C12orf56: variants seen among roughly 807,000 people sequenced by gnomAD.
C12orf56 encodes chromosome 12 open reading frame 56, also known as uncharacterized protein C12orf56.
In C12orf56, 71 loss-of-function variants were observed where a neutral mutation model predicts 69.9. The observed-to-expected ratio is 1.02, with a 90% CI of 0.84 to 1.24. The LOEUF is 1.24. Ranked by LOEUF, C12orf56 falls within the 50% of genes most tolerant of loss-of-function variation. C12orf56 has a pLI of 0.00. For synonymous variants in C12orf56, 276 were observed against 274.1 expected (o/e 1.01, Z -0.07); for missense variants, 732 against 738.5 (o/e 0.99, Z 0.10).
rs773232505 is a variant in C12orf56, at chr12:64,266,876, CTGTGTCTTGATGGATAGTCGTTTATTT to C, written c.*280_*306del. 2.4e-5 allele frequency: 8 copies of C among 336,698 alleles called. No homozygotes were observed. The highest frequency in any genetic ancestry group is 3.7e-5 in the Non-Finnish European group (7 of 188,982). The allele number at this position is 336,698 out of a possible 1,614,324, so 20.9% of individuals were successfully genotyped here. A position where few individuals can be genotyped will look rare whatever the true frequency, so the allele number is the denominator to read the frequency against. On this transcript the variant is annotated 3_prime_UTR_variant, in exon 13 of 13. Transcript: ENST00000543942. ...TCCTAAATCCCTGCATTCCTTTTTC[CTGTGTCTTGATGGATAGTCGTTTATTT>C]TGTGGCAAGAGTGAGTTTGAAGAAC... is the stretch of plus-strand genomic sequence containing the variant.
At chr12:64,352,127 T>A (rs1439713474) in intron 2 of C12orf56, among the ~76,000 whole-genome samples, 63 of 145,726 alleles carry the variant, frequency 4.3e-4, no homozygotes, top group Non-Finnish European at 3.0e-5. Flanking sequence ...TTTTTTTTTT[T>A]ACCAGTCAGG....
At chr12:64,310,510 G>A (rs1445756734) in intron 5 of C12orf56, among the ~76,000 whole-genome samples, 5 of 152,128 alleles carry the variant, frequency 3.3e-5, no homozygotes, top group South Asian at 4.1e-4. Context: ...ATGGAGGAAA[G>A]GAAGAATATA....
chr12:64,315,356 C>T (rs1176957992), intron 4 of C12orf56, among the ~76,000 whole-genome samples: 4 of 147,174 alleles, frequency 2.7e-5, no homozygotes, highest in African/African-American at 7.5e-5. Context: ...CAAATATTTA[C>T]ATTTTCCTTA....
chr12:64,313,298 G>GAAAGAAAGAAAGAAAGAAAGAAAT (rs1234581270), intron 4 of C12orf56, among the ~76,000 whole-genome samples: 1 of 145,848 alleles, frequency 6.9e-6, no homozygotes, highest in Non-Finnish European at 1.5e-5. Flanking sequence ...AAGAAAGAAA[G>GAAAGAAAGAAAGAAAGAAAGAAAT]AAATTATTTA....
chr12:64,280,003 T>C (rs1368800829), intron 8 of C12orf56, among the ~76,000 whole-genome samples: 2 of 149,766 alleles, frequency 1.3e-5, no homozygotes, highest in African/African-American at 4.8e-5. Flanking sequence ...GGTCACTTGC[T>C]ATGATAACAT....
At chr12:64,305,467 C>T (rs970778691) in intron 5 of C12orf56, among the ~76,000 whole-genome samples, 3 of 152,076 alleles carry the variant, frequency 2.0e-5, no homozygotes, top group African/African-American at 4.8e-5. Context: ...CCGCAACCTC[C>T]GCCTCCTGAG....
rs546249351 is a variant in C12orf56, at chr12:64,293,119, G to A, written c.1114-7059C>T. ...GGGTGGGAGTGACCCGATTTTCCAG[G>A]TGCGTCCGTCACCCCTTTCTTTGAC... On this transcript the variant is annotated intron_variant, in intron 6 of 12. Coordinates refer to ENST00000543942, the MANE Select transcript of C12orf56 (RefSeq NM_001170633.2). Among the ~76,000 whole-genome samples, 40 of 152,204 alleles carry A rather than the reference G, an allele frequency of 2.6e-4. 2 individuals are homozygous for A. In the South Asian group the frequency reaches 8.3e-3, roughly 32 times the overall value.
intron 11 of C12orf56, among the ~76,000 whole-genome samples, chr12:64,272,891 C>T (rs956009493): frequency 2.0e-5 from 3 of 152,184 alleles, no homozygotes; most frequent in Non-Finnish European, 2.9e-5. Context: ...TTTGTGTAAA[C>T]ATATGTCATA....
chr12:64,388,988 A>G lies in C12orf56; in HGVS notation c.252+1326T>C, dbSNP rs911961705. On this transcript the variant is annotated intron_variant, in intron 1 of 12. Coordinates refer to ENST00000543942, the MANE Select transcript of C12orf56 (RefSeq NM_001170633.2). The stretch of plus-strand genomic sequence containing the variant: ...TAGTTCACAAAGGTATTCCGAGTAG[A>G]AAAAAAATCTTTTTTTTTCATTTAA... 4 of 135,240 alleles carry G rather than the reference A, an allele frequency of 3.0e-5. No individual in the cohort carries two copies. The Admixed American group carries it at 3.2e-4, about 11-fold the overall frequency. The allele number at this position is 135,240 out of a possible 1,614,324, so 8.4% of individuals were successfully genotyped here. A position where few individuals can be genotyped will look rare whatever the true frequency, so the allele number is the denominator to read the frequency against.
chr12:64,371,087 CACA>C (rs1280481733), intron 1 of C12orf56, among the ~76,000 whole-genome samples: 3 of 152,258 alleles, frequency 2.0e-5, no homozygotes, highest in South Asian at 2.1e-4. Flanking sequence ...GCCAAAAATA[CACA>C]ACAAGGATAT....
At chr12:64,347,284 CTT>C (rs35011865) in intron 2 of C12orf56, among the ~76,000 whole-genome samples, 33,808 of 121,288 alleles carry the variant, frequency 0.28, 4,098 homozygotes, top group Middle Eastern at 0.39. Flanking sequence ...AGCCTAGTAA[CTT>C]TTTTTTTTTT....
chr12:64,325,372 A>AGAAGAAGAAG (rs1555189853), intron 3 of C12orf56, among the ~76,000 whole-genome samples: 57 of 141,448 alleles, frequency 4.0e-4, no homozygotes, highest in Admixed American at 1.2e-3. Flanking sequence ...AAAAAAAAAA[A>AGAAGAAGAAG]AAGAAGAAGA....
chr12:64,329,533 T>TTTA (rs2038899417), intron 3 of C12orf56, among the ~76,000 whole-genome samples: 1 of 147,676 alleles, frequency 6.8e-6, no homozygotes, highest in African/African-American at 2.6e-5. Flanking sequence ...TTATTTATTT[T>TTTA]TTATTATTAC....
intron 2 of C12orf56, among the ~76,000 whole-genome samples, chr12:64,341,714 A>G (rs916017468): frequency 6.6e-6 from 1 of 152,182 alleles, no homozygotes; most frequent in Non-Finnish European, 1.5e-5. Context: ...TCTGATGAGG[A>G]CAAACCTCTG....
intron 1 of C12orf56, among the ~76,000 whole-genome samples, chr12:64,363,457 G>T (rs1044598997): frequency 6.6e-6 from 1 of 152,160 alleles, no homozygotes; most frequent in Non-Finnish European, 1.5e-5. Flanking sequence ...TGACCCACGA[G>T]GGGGATATCA....
intron 6 of C12orf56, among the ~76,000 whole-genome samples, chr12:64,293,044 T>C (rs1261429734): frequency 6.6e-6 from 1 of 152,020 alleles, no homozygotes; most frequent in African/African-American, 2.4e-5. Context: ...GTGTGGGATA[T>C]AATCTCATGG....
At chr12:64,325,476 G>A (rs1017939084) in intron 3 of C12orf56, among the ~76,000 whole-genome samples, 3 of 152,160 alleles carry the variant, frequency 2.0e-5, no homozygotes, top group Non-Finnish European at 4.4e-5. Flanking sequence ...ACTTTACACC[G>A]AAGGACTACT....
At chr12:64,270,763 A>T in intron 11 of C12orf56, 49 bp from the exon 12 acceptor site, 7 of 1,480,916 alleles carry the variant, frequency 4.7e-6, no homozygotes, top group Non-Finnish European at 6.4e-6. Context: ...CACCCACAAA[A>T]GCAACTATTT....
rs1256815681 is a variant in C12orf56, at chr12:64,327,780, GT to G, written c.488+3179del. Among the ~76,000 whole-genome samples the G allele has an allele frequency of 3.3e-5, 5 of 152,166 alleles. No homozygotes were observed. In the East Asian group the frequency reaches 5.8e-4, roughly 18 times the overall value. On this transcript the variant is annotated intron_variant, in intron 3 of 12. Transcript: ENST00000543942. ...GAACACATTAGACAATTCTGTCTTA[GT>G]TTTTTTGATGTTTGGCTTCAAATGT...
Sources: allele counts gnomAD v4.1 joint callset (sites outside exome capture counted in the v4.1 genomes callset), GRCh38; gene constraint gnomAD v4.1.1; transcripts MANE v1.5; gene names NCBI Gene and HGNC (gene_info 2026-07-23, HGNC 2026-07-21).